SCHIP1: variants seen among roughly 807,000 people sequenced by gnomAD.
The protein encoded by SCHIP1 is schwannomin interacting protein 1, also known as schwannomin-interacting protein 1.
A neutral mutation model predicts 29.7 loss-of-function variants in SCHIP1; 8 were observed. The observed-to-expected ratio is 0.27, with a 90% CI of 0.16 to 0.49. SCHIP1 has a LOEUF of 0.49. SCHIP1 is among the 20% of genes least tolerant of loss of function. The pLI is 0.99. For missense variants in SCHIP1, 193 were observed against 294.6 expected, an observed-to-expected ratio of 0.66 and a Z score of 2.52; for synonymous variants, 76 against 94.9, an observed-to-expected ratio of 0.80 and a Z score of 1.16.
chr3:159,692,013 C>CTTTTTTT, the SCHIP1 span, among the ~76,000 whole-genome samples: 1 of 90,940 alleles, frequency 1.1e-5, no homozygotes, highest in Non-Finnish European at 2.1e-5. Context: ...CCCGACCTTT[C>CTTTTTTT]TTTTTTTTTT....
chr3:159,889,018 A>G (rs901829504), intron 5 of SCHIP1, 75 bp downstream of exon 6: 14 of 1,503,948 alleles, frequency 9.3e-6, no homozygotes, highest in Middle Eastern at 1.8e-4. Flanking sequence ...CCTTGGTCCA[A>G]CTTTTTCATA....
chr3:159,531,397 C>T, the SCHIP1 span, among the ~76,000 whole-genome samples: 1 of 152,212 alleles, frequency 6.6e-6, no homozygotes, highest in African/African-American at 2.4e-5. Flanking sequence ...TCCTTTCCTT[C>T]CAGTCCCACT....
the SCHIP1 span, among the ~76,000 whole-genome samples, chr3:159,641,458 A>C: frequency 1.3e-5 from 2 of 152,154 alleles, no homozygotes; most frequent in Non-Finnish European, 2.9e-5. Flanking sequence ...TATGCTCTTA[A>C]ATTTTAGCAT....
chr3:159,362,443 G>T, the SCHIP1 span, among the ~76,000 whole-genome samples: 15 of 152,292 alleles, frequency 9.8e-5, 1 homozygote, highest in African/African-American at 3.6e-4. Context: ...CAAGTGTTTG[G>T]ATTATTAAGT....
At chr3:159,475,971 G>T in the SCHIP1 span, among the ~76,000 whole-genome samples, 2 of 152,168 alleles carry the variant, frequency 1.3e-5, no homozygotes, top group Admixed American at 1.3e-4. Context: ...TCTGTGAGAA[G>T]GCAAATGCTG....
the SCHIP1 span, among the ~76,000 whole-genome samples, chr3:159,588,711 T>C: frequency 2.0e-5 from 3 of 152,250 alleles, no homozygotes; most frequent in Non-Finnish European, 2.9e-5. Flanking sequence ...GCACCATTTG[T>C]TGAATAGGGA....
chr3:159,433,571 T>A, the SCHIP1 span, among the ~76,000 whole-genome samples: 1 of 152,284 alleles, frequency 6.6e-6, no homozygotes, highest in African/African-American at 2.4e-5. Flanking sequence ...CTGATTAAAA[T>A]ATGGTCTTTG....
chr3:159,416,921 C>T, the SCHIP1 span, among the ~76,000 whole-genome samples: 2 of 152,210 alleles, frequency 1.3e-5, no homozygotes, highest in African/African-American at 4.8e-5. Context: ...CAAGGGAAAG[C>T]AGCCTTTAGC....
the SCHIP1 span, among the ~76,000 whole-genome samples, chr3:159,389,189 T>C: frequency 6.6e-6 from 1 of 152,022 alleles, no homozygotes. Context: ...AGAAAGTATA[T>C]TTTTTCCAAA....
the SCHIP1 span, among the ~76,000 whole-genome samples, chr3:159,284,685 T>C: frequency 6.6e-6 from 1 of 151,882 alleles, no homozygotes; most frequent in Non-Finnish European, 1.5e-5. Context: ...TTAGTAGAGA[T>C]TGGGTTTCAT....
At chr3:159,363,946 A>G in the SCHIP1 span, among the ~76,000 whole-genome samples, 25 of 152,244 alleles carry the variant, frequency 1.6e-4, no homozygotes, top group Non-Finnish European at 2.8e-4. Flanking sequence ...AAACTCTTCA[A>G]CATTTTTAAA....
the SCHIP1 span, among the ~76,000 whole-genome samples, chr3:159,734,765 T>A: frequency 6.6e-6 from 1 of 151,640 alleles, no homozygotes. Flanking sequence ...CCATAAATGC[T>A]ATTTCTCATT....
chr3:159,482,251 C>T, the SCHIP1 span, among the ~76,000 whole-genome samples: 1 of 152,142 alleles, frequency 6.6e-6, no homozygotes, highest in Non-Finnish European at 1.5e-5. Flanking sequence ...GAAGCCATTA[C>T]CTCTGCTTTG....
the SCHIP1 span, among the ~76,000 whole-genome samples, chr3:159,283,985 T>C: frequency 5.3e-5 from 8 of 152,212 alleles, no homozygotes; most frequent in Admixed American, 2.6e-4. Context: ...TTTAAGTTTT[T>C]ACATCTCTGC....
chr3:159,283,771 A>T, the SCHIP1 span, among the ~76,000 whole-genome samples: 4 of 152,164 alleles, frequency 2.6e-5, no homozygotes, highest in Non-Finnish European at 1.5e-5. Flanking sequence ...AATTTTCTCA[A>T]CTGCAAATAA....
chr3:159,427,842 C>G, the SCHIP1 span, among the ~76,000 whole-genome samples: 13 of 152,204 alleles, frequency 8.5e-5, no homozygotes, highest in East Asian at 3.9e-4. Flanking sequence ...GGTACCAAAA[C>G]AGATATATAG....
the SCHIP1 span, among the ~76,000 whole-genome samples, chr3:159,326,301 T>A: frequency 6.6e-6 from 1 of 152,184 alleles, no homozygotes; most frequent in Admixed American, 6.5e-5. Flanking sequence ...TACTATCTAA[T>A]GAATATTGAA....
chr3:159,303,410 T>C, the SCHIP1 span, among the ~76,000 whole-genome samples: 1 of 149,164 alleles, frequency 6.7e-6, no homozygotes, highest in Non-Finnish European at 1.5e-5. Context: ...TTTTCCCTAA[T>C]AGGGGGGTAC....
At chr3:159,755,770 T>C in the SCHIP1 span, among the ~76,000 whole-genome samples, 2 of 152,334 alleles carry the variant, frequency 1.3e-5, no homozygotes, top group Admixed American at 1.3e-4. Flanking sequence ...GGTACAGGCA[T>C]TGGGTAAATA....
Sources: allele counts gnomAD v4.1 joint callset (sites outside exome capture counted in the v4.1 genomes callset), GRCh38; gene constraint gnomAD v4.1.1; transcripts MANE v1.5; gene names NCBI Gene and HGNC (gene_info 2026-07-23, HGNC 2026-07-21).